Variants in COP1 observed in about 807,000 individuals in gnomAD.
COP1 encodes E3 ubiquitin-protein ligase COP1.
In COP1, 24 loss-of-function variants were observed where a neutral mutation model predicts 101.3. The ratio of observed to expected loss-of-function variants is 0.24; its 90% CI spans 0.17 to 0.33. The LOEUF (loss-of-function observed/expected upper bound fraction) is 0.33, where lower values mean the gene tolerates loss of function less well. Ranked by LOEUF, COP1 falls within the 10% of genes least tolerant of loss-of-function variation. The probability of loss-of-function intolerance (pLI) is 1.00; values close to 1 mark genes in which losing one functional copy is unlikely to be tolerated. For missense variants in COP1, 663 were observed against 906.2 expected (o/e 0.73, Z 3.45); for synonymous variants, 347 against 341.9 (o/e 1.01, Z -0.17).
chr1:176,031,365 T>C (rs1201906183), intron 14 of COP1, among the ~76,000 whole-genome samples: 1 of 152,180 alleles, frequency 6.6e-6, no homozygotes, highest in African/African-American at 2.4e-5. Flanking sequence ...CAAATATAAA[T>C]GAGGCGATCC....
intron 1 of COP1, among the ~76,000 whole-genome samples, chr1:176,202,362 T>C (rs1312641557): frequency 6.6e-6 from 1 of 151,972 alleles, no homozygotes; most frequent in Non-Finnish European, 1.5e-5. Flanking sequence ...CTAATTTTTG[T>C]ATTTTTTGTA....
At chr1:175,973,789 A>C (rs1327715287) in intron 18 of COP1, among the ~76,000 whole-genome samples, 3 of 152,232 alleles carry the variant, frequency 2.0e-5, no homozygotes. Flanking sequence ...AAAACTCAGC[A>C]TTGTGCAAAG....
intron 9 of COP1, among the ~76,000 whole-genome samples, chr1:176,109,276 A>G (rs1435506804): frequency 6.6e-6 from 1 of 151,996 alleles, no homozygotes; most frequent in East Asian, 1.9e-4. Flanking sequence ...CTATAGTTCT[A>G]TTGCTGTTTA....
intron 11 of COP1, among the ~76,000 whole-genome samples, chr1:176,071,276 C>T (rs1458273177): frequency 1.3e-5 from 2 of 152,136 alleles, no homozygotes; most frequent in South Asian, 2.1e-4. Context: ...CCTGCTCCCA[C>T]TTCACCTTCC....
intron 11 of COP1, among the ~76,000 whole-genome samples, chr1:176,052,045 C>G (rs1012068947): frequency 2.0e-5 from 3 of 152,100 alleles, no homozygotes; most frequent in Non-Finnish European, 2.9e-5. Context: ...CAGTAATATA[C>G]AGTAATATCC....
intron 11 of COP1, among the ~76,000 whole-genome samples, chr1:176,050,101 ATACAAGTATAC>A (rs1672278401): frequency 6.6e-6 from 1 of 152,238 alleles, no homozygotes. Context: ...TAATTTCAAC[ATACAAGTATAC>A]TTTTGAAAAA....
rs564049704 is a variant in COP1 at position 176,173,310 on chromosome 1, C to CA, written c.565+2599dup. On this transcript the variant is annotated intron_variant, in intron 3 of 19. Coordinates refer to ENST00000367669, the MANE Select transcript of COP1 (RefSeq NM_022457.7). ...TGGGTGACAGTGCGAGACTTTGTCT[C>CA]AAAAAAACAAAATGAAAAAAAAAAA... is the stretch of plus-strand genomic sequence containing the variant. 6.6e-3 allele frequency among the ~76,000 whole-genome samples: 123 copies of CA among 18,592 alleles called. No homozygotes were observed. In the East Asian group the frequency reaches 0.14, roughly 22 times the overall value. 12.2% of individuals were successfully genotyped at this position (18,592 alleles called of 152,430 possible).
At chr1:176,136,918 T>TC (rs1423453744) in intron 6 of COP1, among the ~76,000 whole-genome samples, 3 of 149,842 alleles carry the variant, frequency 2.0e-5, no homozygotes, top group Non-Finnish European at 4.5e-5. Flanking sequence ...TAATCACACT[T>TC]TTTTTTTTTA....
intron 9 of COP1, among the ~76,000 whole-genome samples, chr1:176,111,871 G>A (rs1406215963): frequency 6.6e-6 from 1 of 152,120 alleles, no homozygotes; most frequent in Non-Finnish European, 1.5e-5. Context: ...AAGGCCTTCA[G>A]TGCAATGTAT....
intron 8 of COP1, among the ~76,000 whole-genome samples, chr1:176,133,053 C>A (rs1269451912): frequency 2.6e-5 from 3 of 116,370 alleles, no homozygotes; most frequent in Non-Finnish European, 3.5e-5. Context: ...TATATATACA[C>A]ACATATACAC....
intron 11 of COP1, among the ~76,000 whole-genome samples, chr1:176,076,546 TACATC>T (rs59654107): frequency 0.75 from 113,344 of 151,348 alleles, 44,388 homozygotes; most frequent in East Asian, 0.92. Context: ...TTAATGACCT[TACATC>T]ACATGTAGAG....
chr1:176,091,739 G>A (rs924307459), intron 9 of COP1, among the ~76,000 whole-genome samples: 2 of 151,318 alleles, frequency 1.3e-5, no homozygotes, highest in East Asian at 1.9e-4. Flanking sequence ...AGGTAAAAAC[G>A]TAAGAAAAAA....
rs1392432525 is a variant in COP1, at chr1:175,985,583, T to C, written c.2133+1360A>G. Among the ~76,000 whole-genome samples, 3 of 152,296 alleles carry C rather than the reference T, an allele frequency of 2.0e-5. No homozygotes were observed. The East Asian group carries it at 5.8e-4, about 29-fold the overall frequency. On this transcript the variant is annotated intron_variant, in intron 18 of 19. Transcript: ENST00000367669. ...CACTGAGCTCCAATCCCTGCAACCC[T>C]GTGAAGCTAGTATAAGCACTTTCAC...
At chr1:176,003,127 A>G (rs1378486750) in intron 15 of COP1, among the ~76,000 whole-genome samples, 2 of 151,748 alleles carry the variant, frequency 1.3e-5, no homozygotes, top group African/African-American at 4.8e-5. Context: ...GCATTTTTTC[A>G]TGTGTTTTTT....
intron 6 of COP1, among the ~76,000 whole-genome samples, chr1:176,139,041 C>T (rs1179071541): frequency 1.3e-5 from 2 of 151,804 alleles, no homozygotes; most frequent in African/African-American, 2.4e-5. Context: ...TGACAAAAGT[C>T]TAATATCCAG....
chr1:176,072,384 G>T (rs1327072529), intron 11 of COP1, among the ~76,000 whole-genome samples: 1 of 152,088 alleles, frequency 6.6e-6, no homozygotes, highest in Non-Finnish European at 1.5e-5. Context: ...GACAGGTAAG[G>T]CCCCTGCCTA....
intron 5 of COP1, among the ~76,000 whole-genome samples, chr1:176,158,860 C>T (rs978385291): frequency 2.6e-5 from 4 of 151,926 alleles, no homozygotes; most frequent in African/African-American, 9.7e-5. Context: ...AGGCTGGTCT[C>T]GAACTCCTGA....
At chr1:176,127,561 C>CTGTGTGTGTGTGTGTG (rs71129555) in intron 8 of COP1, among the ~76,000 whole-genome samples, 120 of 148,256 alleles carry the variant, frequency 8.1e-4, no homozygotes, top group Admixed American at 4.5e-3. Context: ...TAGTATTCTA[C>CTGTGTGTGTGTGTGTG]TGTGTGTGTG....
chr1:176,039,488 A>T lies in COP1; in HGVS notation c.1612+3698T>A, dbSNP rs546870081. Among the ~76,000 whole-genome samples the T allele has an allele frequency of 2.1e-4, 32 of 152,238 alleles. 1 individual carries two copies. Among genetic ancestry groups the T allele is most frequent in the Admixed American group, 1.9e-3 (29 of 15,302 alleles). ...GAAAACAAGAAACCACATGAGAAAA[A>T]TCAATGAAACAAAAGTTGGTGGTTT... On this transcript the variant is annotated intron_variant, in intron 14 of 19. Coordinates refer to ENST00000367669, the MANE Select transcript of COP1 (RefSeq NM_022457.7).
Sources: gnomAD v4.1 joint callset for allele counts (sites outside exome capture counted in the v4.1 genomes callset) on GRCh38, gnomAD v4.1.1 for gene constraint, MANE v1.5 for transcripts, NCBI Gene and HGNC (gene_info 2026-07-23, HGNC 2026-07-21) for gene names.